The following WBP1L variants were observed in gnomAD, a reference collection of about 807,000 sequenced individuals.
WBP1L encodes WW domain binding protein 1-like.
In WBP1L, 17 loss-of-function variants were observed where a neutral mutation model predicts 33.7. The observed-to-expected ratio is 0.50, with a 90% CI of 0.34 to 0.76. WBP1L has a LOEUF of 0.76. Ranked by LOEUF, WBP1L falls within the 30% of genes least tolerant of loss-of-function variation. WBP1L has a pLI of 0.01. For missense variants in WBP1L, 389 were observed against 469.4 expected (o/e 0.83, Z 1.58); for synonymous variants, 173 against 190.8 (o/e 0.91, Z 0.77).
chr10:102,789,032 T>A (rs1337491013), intron 1 of WBP1L, among the ~76,000 whole-genome samples: 1 of 152,174 alleles, frequency 6.6e-6, no homozygotes, highest in Non-Finnish European at 1.5e-5. Context: ...CAATCTCGGT[T>A]TGCTGCAACC....
At chr10:102,800,561 G>A (rs1843641979) in intron 2 of WBP1L, among the ~76,000 whole-genome samples, 1 of 152,336 alleles carries the variant, frequency 6.6e-6, no homozygotes, top group South Asian at 2.1e-4. Flanking sequence ...GCCCAGCAGA[G>A]AGCAGTGTCT....
At chr10:102,803,276 C>T (rs1380342845) in intron 2 of WBP1L, among the ~76,000 whole-genome samples, 3 of 152,168 alleles carry the variant, frequency 2.0e-5, no homozygotes, top group Admixed American at 6.5e-5. Flanking sequence ...ACCCACCGTC[C>T]TGCAGGATGG....
intron 2 of WBP1L, among the ~76,000 whole-genome samples, chr10:102,807,727 T>C (rs1201198750): frequency 6.6e-6 from 1 of 152,086 alleles, no homozygotes; most frequent in East Asian, 1.9e-4. Context: ...GTCATCTGCT[T>C]TTTTTCATTT....
intron 1 of WBP1L, among the ~76,000 whole-genome samples, chr10:102,786,527 C>T (rs486955): frequency 0.82 from 124,668 of 152,182 alleles, 51,825 homozygotes; most frequent in Middle Eastern, 0.91. Flanking sequence ...TTCAGATGAT[C>T]TGGGGCCCAT....
chr10:102,796,209 A>G (rs750028709), intron 1 of WBP1L, among the ~76,000 whole-genome samples: 12 of 152,252 alleles, frequency 7.9e-5, no homozygotes, highest in Admixed American at 1.3e-4. Context: ...CGGCGGGGGA[A>G]GGAGCACATA....
chr10:102,809,078 C>CTGTTT (rs10624878), intron 2 of WBP1L, among the ~76,000 whole-genome samples: 80,535 of 150,738 alleles, frequency 0.53, 22,140 homozygotes, highest in Middle Eastern at 0.63. Flanking sequence ...TGTCATCATT[C>CTGTTT]TGTTTTGTTT....
intron 1 of WBP1L, among the ~76,000 whole-genome samples, chr10:102,791,493 C>T (rs1435612775): frequency 6.6e-6 from 1 of 152,078 alleles, no homozygotes; most frequent in Non-Finnish European, 1.5e-5. Context: ...GAGAACTGAA[C>T]ATTTCCATTA....
rs1843167719 is a variant in WBP1L at position 102,770,093 on chromosome 10, CT to C, written c.90+25951del. 2.0e-5 allele frequency among the ~76,000 whole-genome samples: 3 copies of C among 152,202 alleles called. No homozygotes were observed. The South Asian group carries it at 6.2e-4, about 31-fold the overall frequency. On this transcript the variant is annotated intron_variant, in intron 1 of 3. Coordinates refer to ENST00000448841, the MANE Select transcript of WBP1L (RefSeq NM_001083913.2). ...TATAGTGTTTCTGCCTGGCAGAGTT[CT>C]GGGTTTGGGATTTATCCCCTTGCAT...
rs1182044979 is a variant in WBP1L, at chr10:102,812,812, A to G, written c.573A>G (p.Arg191=). The G allele has an allele frequency of 1.9e-6, 3 of 1,598,376 alleles. No individual in the cohort carries two copies. In the East Asian group the frequency reaches 6.7e-5, roughly 36 times the overall value. ...PLSEPSRSST[R]PPSIADPDPS... The stretch of plus-strand genomic sequence containing the variant: ...CTGAGCCCAGCAGAAGCAGCACAAG[A>G]CCCCCAAGCATCGCTGACCCTGATC... Residue 191 remains arginine, a synonymous_variant, in exon 4 of 4, where the codon AGA becomes AGG. Coordinates refer to ENST00000448841, the MANE Select transcript of WBP1L (RefSeq NM_001083913.2).
intron 3 of WBP1L, among the ~76,000 whole-genome samples, chr10:102,810,906 C>T (rs546558511): frequency 6.0e-5 from 9 of 149,982 alleles, no homozygotes; most frequent in African/African-American, 2.0e-4. Context: ...CCTCCCCTCC[C>T]CTCCCCTTCC....
At chr10:102,759,448 A>G (rs574661202) in intron 1 of WBP1L, among the ~76,000 whole-genome samples, 11 of 152,318 alleles carry the variant, frequency 7.2e-5, no homozygotes, top group African/African-American at 2.2e-4. Context: ...TATTATGACT[A>G]TTCTTATTCT....
chr10:102,773,339 T>G (rs949695499), intron 1 of WBP1L, among the ~76,000 whole-genome samples: 1 of 152,168 alleles, frequency 6.6e-6, no homozygotes, highest in Non-Finnish European at 1.5e-5. Flanking sequence ...ATATATTGTA[T>G]TGTACTAGGT....
At chr10:102,785,251 G>A (rs540294161) in intron 1 of WBP1L, among the ~76,000 whole-genome samples, 4 of 146,526 alleles carry the variant, frequency 2.7e-5, no homozygotes, top group South Asian at 2.2e-4. Flanking sequence ...GCAGTAGTGC[G>A]ATTTCGGCTC....
intron 1 of WBP1L, among the ~76,000 whole-genome samples, chr10:102,761,933 A>C (rs985000655): frequency 1.1e-4 from 16 of 152,226 alleles, no homozygotes; most frequent in Admixed American, 8.5e-4. Context: ...CTGTAGCCTC[A>C]AACTCCTGAG....
chr10:102,750,449 C>G lies in WBP1L; in HGVS notation c.90+6306C>G, dbSNP rs113045812. ...AATTTACATGCCAAAAAAATTCACC[C>G]TTTTAAAGTATACATAAATTGGTGT... On this transcript the variant is annotated intron_variant, in intron 1 of 3. Coordinates refer to ENST00000448841, the MANE Select transcript of WBP1L (RefSeq NM_001083913.2). 7.4e-3 allele frequency among the ~76,000 whole-genome samples: 1,118 copies of G among 152,048 alleles called. 20 individuals are homozygous for G. The highest frequency in any genetic ancestry group is 0.026 in the African/African-American group (1,063 of 41,490).
chr10:102,783,094 C>T (rs548708524), intron 1 of WBP1L, among the ~76,000 whole-genome samples: 6 of 152,266 alleles, frequency 3.9e-5, no homozygotes, highest in African/African-American at 7.2e-5. Context: ...TCTCCCACCC[C>T]TCTGGGTGTG....
At chr10:102,780,763 G>A (rs962091259) in intron 1 of WBP1L, among the ~76,000 whole-genome samples, 2 of 152,218 alleles carry the variant, frequency 1.3e-5, no homozygotes, top group Non-Finnish European at 2.9e-5. Flanking sequence ...TCTGCAGGTG[G>A]CCCTTCCCAC....
chr10:102,801,769 A>C (rs759832027), intron 2 of WBP1L, among the ~76,000 whole-genome samples: 17 of 152,116 alleles, frequency 1.1e-4, no homozygotes, highest in Non-Finnish European at 2.4e-4. Context: ...CTGAAGTGAC[A>C]CAAAACAGGC....
chr10:102,767,219 G>C (rs531571128), intron 1 of WBP1L, among the ~76,000 whole-genome samples: 3 of 152,322 alleles, frequency 2.0e-5, no homozygotes, highest in South Asian at 4.1e-4. Context: ...GCAGCGAATT[G>C]TTGTGCAGCC....
Sources: allele counts gnomAD v4.1 joint callset (sites outside exome capture counted in the v4.1 genomes callset), GRCh38; gene constraint gnomAD v4.1.1; transcripts MANE v1.5; gene names NCBI Gene and HGNC (gene_info 2026-07-23, HGNC 2026-07-21).